The following WTAP variants were observed in gnomAD, a reference collection of about 807,000 sequenced individuals.
WTAP encodes the protein WT1 associated protein.
In WTAP, 8 loss-of-function variants were observed where a neutral mutation model predicts 50.0. The ratio of observed to expected loss-of-function variants is 0.16; its 90% CI spans 0.09 to 0.29. The LOEUF is 0.29. WTAP is among the 10% of genes least tolerant of loss of function. WTAP has a pLI of 1.00. For synonymous variants in WTAP, 194 were observed against 169.0 expected (o/e 1.15, Z -1.15); for missense variants, 295 against 470.7 (o/e 0.63, Z 3.45).
chr6:159,729,712 G>A (rs1188126677), intron 1 of WTAP, among the ~76,000 whole-genome samples: 1 of 152,206 alleles, frequency 6.6e-6, no homozygotes, highest in Non-Finnish European at 1.5e-5. Flanking sequence ...GCAGATAGAG[G>A]ATAAGGAAAA....
Position 159,743,774 on chromosome 6 carries a change from A to G in WTAP, c.255A>G (p.Gln85=). Residue 85 remains glutamine, a synonymous_variant, in exon 5 of 8, where the codon CAA becomes CAG. Coordinates refer to ENST00000621533, the MANE Select transcript of WTAP (RefSeq NM_001270531.2). ...TAATGCGACTAGCAACCAAGGAACAAGAGATGCAAGAGTGTACTGTAAGTA... is the reference window on the plus strand; with the variant it reads ...TAATGCGACTAGCAACCAAGGAACAGGAGATGCAAGAGTGTACTGTAAGTA... The part of the protein sequence containing the change: ...ILVMRLATKE[Q]EMQECTTQIQ... 2 of 1,611,806 alleles carry G rather than the reference A, an allele frequency of 1.2e-6. No individual in the cohort carries two copies. The highest frequency in any genetic ancestry group is 2.2e-5 in the East Asian group (1 of 44,798).
In WTAP at chr6:159,755,299, C is replaced by T; in HGVS notation, c.879C>T (p.His293=). Reference sequence around the variant, plus strand: ...AGAGGACGTCTGGGTCTGGATTTCACAGGGAGGGCAACACAACCGAAGATG... The same window carrying T: ...AGAGGACGTCTGGGTCTGGATTTCATAGGGAGGGCAACACAACCGAAGATG... ...SRQRTSGSGF[H]REGNTTEDDF... The change falls in exon 8 of 8, where the codon CAC becomes CAT. Residue 293 remains histidine (H), a synonymous_variant. Coordinates refer to ENST00000621533, the MANE Select transcript of WTAP (RefSeq NM_001270531.2). 1 of 1,614,218 alleles carries T rather than the reference C, an allele frequency of 6.2e-7. No individual in the cohort carries two copies. Among genetic ancestry groups the T allele is most frequent in the Admixed American group, 1.7e-5 (1 of 60,028 alleles).
Position 159,755,745 on chromosome 6 carries a change from CTTTG to C in WTAP, c.*138_*141del, listed in dbSNP as rs1410133538. 1.4e-5 allele frequency: 4 copies of C among 287,160 alleles called. No homozygotes were observed. Among genetic ancestry groups the C allele is most frequent in the Non-Finnish European group, 1.8e-5 (4 of 222,926 alleles). 17.8% of individuals were successfully genotyped at this position (287,160 alleles called of 1,614,324 possible). ...TTGGTTTTTTTTTGTTGTTTTTTTT[CTTTG>C]TTTTTTTTTTCTTTTCTTTTTTTTT... On this transcript the variant is annotated 3_prime_UTR_variant, in exon 8 of 8. Transcript: ENST00000621533.
intron 2 of WTAP, among the ~76,000 whole-genome samples, chr6:159,738,358 T>A (rs758154057): frequency 3.3e-5 from 5 of 152,244 alleles, no homozygotes; most frequent in Admixed American, 6.5e-5. Flanking sequence ...GACTATTTTT[T>A]TTCCTTCCAC....
At position 159,727,715 on chromosome 6, in the gene WTAP, C is replaced by T; in HGVS notation, c.-9+12C>T. The T allele has an allele frequency of 4.1e-6, 4 of 983,332 alleles. No homozygotes were observed. Among genetic ancestry groups the T allele is most frequent in the South Asian group, 4.7e-5 (1 of 21,196 alleles). The allele number at this position is 983,332 out of a possible 1,614,324, so 60.9% of individuals were successfully genotyped here. A position where few individuals can be genotyped will look rare whatever the true frequency, so the allele number is the denominator to read the frequency against. ...TTCTGCCTGGAGAGGTAGGCGCGGG[C>T]CGGCTGGCGGGAGCGGACGCGGGGG... On this transcript the variant is annotated intron_variant, in intron 1 of 7. Coordinates refer to ENST00000621533, the MANE Select transcript of WTAP (RefSeq NM_001270531.2).
chr6:159,735,380 A>G (rs1243301840), intron 1 of WTAP, among the ~76,000 whole-genome samples: 1 of 152,284 alleles, frequency 6.6e-6, no homozygotes, highest in South Asian at 2.1e-4. Flanking sequence ...ACCTCAAGTG[A>G]TCCACCCACC....
chr6:159,730,759 G>T (rs1242458421), intron 1 of WTAP: 2 of 152,192 alleles, frequency 1.3e-5, no homozygotes, highest in African/African-American at 2.4e-5. Flanking sequence ...GACTCTGAGA[G>T]TTGACTTAGG....
chr6:159,752,574 T>C (rs535875413), intron 6 of WTAP, among the ~76,000 whole-genome samples: 2 of 152,346 alleles, frequency 1.3e-5, no homozygotes, highest in African/African-American at 2.4e-5. Flanking sequence ...TTGGCAGATA[T>C]TTGCGTGTTT....
intron 6 of WTAP, chr6:159,749,498 C>T (rs1269371988): frequency 4.6e-5 from 43 of 941,636 alleles, no homozygotes; most frequent in Admixed American, 1.3e-4. Flanking sequence ...TAATTTGGGG[C>T]GGGGAGGGCC....
In WTAP at chr6:159,753,600, A is replaced by G; in HGVS notation, c.593A>G (p.Lys198Arg). 1 of 1,611,852 alleles carries G rather than the reference A, an allele frequency of 6.2e-7. No homozygotes were observed. ...ALQKKYSEEL[K>R]SSQDELNDFI... is the part of the protein sequence containing the mutation. ...CAGAAGAAATACAGTGAGGAGCTTA[A>G]AAGCAGTCAGGATGGTAAGGGGTTT... is the stretch of plus-strand genomic sequence containing the variant. Residue 198 changes from lysine to arginine, a missense_variant, in exon 7 of 8, where the codon AAA (lysine) becomes AGA (arginine). Physicochemically the swap from Lys to Arg is conservative, Grantham distance 26 (BLOSUM62 2). Coordinates refer to ENST00000621533, the MANE Select transcript of WTAP (RefSeq NM_001270531.2).
intron 6 of WTAP, among the ~76,000 whole-genome samples, chr6:159,752,275 G>A (rs1257367740): frequency 6.6e-6 from 1 of 152,174 alleles, no homozygotes; most frequent in African/African-American, 2.4e-5. Flanking sequence ...GGACAAGAAT[G>A]TCACACTGTC....
intron 6 of WTAP, 135 bp from the exon 7 acceptor site, chr6:159,753,325 A>C (rs748779240): frequency 8.0e-6 from 10 of 1,247,060 alleles, no homozygotes; most frequent in Non-Finnish European, 1.1e-5. Context: ...CCCAGAAAAG[A>C]AGATGGTAAT....
rs144756467 is a variant in WTAP, at chr6:159,731,869, C to T, written c.-9+4166C>T. ...ATCAGAACTTTCTTCATGTGTTTCT[C>T]AGTCCTTTTAATGCCCTTTAAAAAC... On this transcript the variant is annotated intron_variant, in intron 1 of 7. Transcript: ENST00000621533. 5.8e-4 allele frequency among the ~76,000 whole-genome samples: 88 copies of T among 152,294 alleles called. No homozygotes were observed. The East Asian group carries it at 0.016, about 28-fold the overall frequency.
chr6:159,743,714 A>G lies in WTAP; in HGVS notation c.195A>G (p.Gln65=). The change falls in exon 5 of 8, where the codon CAA becomes CAG. Residue 65 remains glutamine (Q), a synonymous_variant. Coordinates refer to ENST00000621533, the MANE Select transcript of WTAP (RefSeq NM_001270531.2). ...AGTCTGAAGAAAAACTAAAGCAACA[A>G]CAGCAGGAGTCTGCACGCAGGGAAA... The part of the protein sequence containing the change: ...LRESEEKLKQ[Q]QQESARRENI... The G allele has an allele frequency of 1.2e-6, 2 of 1,613,484 alleles. No homozygotes were observed. The highest frequency in any genetic ancestry group is 1.7e-6 in the Non-Finnish European group (2 of 1,179,670).
At chr6:159,727,248 C>A, upstream of WTAP, 1 of 1,281,862 alleles carries the variant, frequency 7.8e-7, no homozygotes, top group Non-Finnish European at 1.0e-6. Flanking sequence ...GCTAGGCCGA[C>A]GGCCTCCCTC....
chr6:159,739,193 A>G (rs1583079962), intron 3 of WTAP, 148 bp downstream of exon 3: 2 of 575,776 alleles, frequency 3.5e-6, no homozygotes, highest in East Asian at 6.4e-5. Context: ...ACTATGACCT[A>G]TTTCTTATAT....
upstream of WTAP, chr6:159,727,192 G>A (rs1562446483): frequency 8.1e-7 from 1 of 1,231,526 alleles, no homozygotes; most frequent in Non-Finnish European, 1.0e-6. Flanking sequence ...GACGGGGAGT[G>A]TTACCGGGGA....
chr6:159,750,771 T>G (rs1489584847), intron 6 of WTAP, among the ~76,000 whole-genome samples: 11 of 152,402 alleles, frequency 7.2e-5, no homozygotes, highest in African/African-American at 2.6e-4. Context: ...TTCTATAAAA[T>G]TGGCTGTAAG....
intron 6 of WTAP, chr6:159,749,026 A>T (rs1779722736): frequency 1.4e-5 from 14 of 1,000,464 alleles, no homozygotes; most frequent in Admixed American, 6.0e-5. Flanking sequence ...CAAGTAGCGC[A>T]TATATTTAAC....
Sources: allele counts gnomAD v4.1 joint callset (sites outside exome capture counted in the v4.1 genomes callset), GRCh38; gene constraint gnomAD v4.1.1; transcripts MANE v1.5; gene names NCBI Gene and HGNC (gene_info 2026-07-23, HGNC 2026-07-21).